Variants in OXR1 observed in about 807,000 individuals in gnomAD.
The protein encoded by OXR1 is oxidation resistance 1.
A neutral mutation model predicts 104.6 loss-of-function variants in OXR1; 41 were observed. That is an observed-to-expected ratio of 0.39 (90% confidence interval 0.31 to 0.51). The LOEUF (loss-of-function observed/expected upper bound fraction) is 0.51. OXR1 is among the 20% of genes least tolerant of loss of function. The pLI is 0.77. For synonymous variants in OXR1, 348 were observed against 348.4 expected, an observed-to-expected ratio of 1.00 and a Z score of 0.01; for missense variants, 955 against 1,031.9, an observed-to-expected ratio of 0.93 and a Z score of 1.02.
chr8:106,278,110 G>A (rs1290255350), intron 1 of OXR1, among the ~76,000 whole-genome samples: 1 of 152,194 alleles, frequency 6.6e-6, no homozygotes, highest in African/African-American at 2.4e-5. Flanking sequence ...TACTGAATAT[G>A]TGTTTCCAAT....
intron 3 of OXR1, among the ~76,000 whole-genome samples, chr8:106,602,387 G>T (rs1204746281): frequency 6.6e-6 from 1 of 152,188 alleles, no homozygotes. Context: ...GAGTGGCTTG[G>T]AAAGAAGTAG....
intron 12 of OXR1, among the ~76,000 whole-genome samples, chr8:106,737,910 T>G (rs1216753504): frequency 6.6e-6 from 1 of 152,164 alleles, no homozygotes; most frequent in Non-Finnish European, 1.5e-5. Context: ...GTTTTGAGAT[T>G]GAATCTTTTC....
At chr8:106,447,483 G>A (rs1319344106) in intron 2 of OXR1, among the ~76,000 whole-genome samples, 1 of 152,098 alleles carries the variant, frequency 6.6e-6, no homozygotes, top group Non-Finnish European at 1.5e-5. Flanking sequence ...ATTTTCTATT[G>A]TTTATTCTGA....
intron 2 of OXR1, among the ~76,000 whole-genome samples, chr8:106,464,796 C>T (rs1322178989): frequency 2.0e-5 from 3 of 151,994 alleles, no homozygotes; most frequent in African/African-American, 4.8e-5. Context: ...AAGCATATCT[C>T]GGGCTTCATT....
intron 2 of OXR1, among the ~76,000 whole-genome samples, chr8:106,470,577 T>A (rs1325679884): frequency 6.6e-6 from 1 of 151,614 alleles, no homozygotes; most frequent in Non-Finnish European, 1.5e-5. Flanking sequence ...TGCCAATAGG[T>A]TTTTGAGAAT....
At chr8:106,423,468 T>A (rs1177365656) in intron 2 of OXR1, among the ~76,000 whole-genome samples, 2 of 152,192 alleles carry the variant, frequency 1.3e-5, no homozygotes, top group Non-Finnish European at 2.9e-5. Context: ...AGCTAGGTTA[T>A]ACTCTAGAAG....
chr8:106,409,751 A>G (rs2130502813), intron 2 of OXR1, among the ~76,000 whole-genome samples: 1 of 152,284 alleles, frequency 6.6e-6, no homozygotes, highest in East Asian at 1.9e-4. Flanking sequence ...AATGATAGAA[A>G]AAGAATTAGT....
intron 2 of OXR1, among the ~76,000 whole-genome samples, chr8:106,412,851 C>T (rs1455161452): frequency 2.6e-5 from 4 of 152,036 alleles, no homozygotes; most frequent in South Asian, 4.2e-4. Context: ...ATGTATATAT[C>T]ATTACAGGGT....
intron 2 of OXR1, among the ~76,000 whole-genome samples, chr8:106,386,759 G>T (rs553504679): frequency 2.4e-4 from 36 of 152,334 alleles, no homozygotes; most frequent in Non-Finnish European, 3.8e-4. Context: ...GGAAACAGGA[G>T]TCTGCAAGTT....
At chr8:106,453,657 A>G (rs1459234055) in intron 2 of OXR1, among the ~76,000 whole-genome samples, 1 of 152,180 alleles carries the variant, frequency 6.6e-6, no homozygotes, top group Non-Finnish European at 1.5e-5. Flanking sequence ...TTCTGATTGC[A>G]TCACTCCTAT....
chr8:106,543,881 C>A (rs1474030581), intron 3 of OXR1, among the ~76,000 whole-genome samples: 2 of 152,192 alleles, frequency 1.3e-5, no homozygotes, highest in Admixed American at 1.3e-4. Flanking sequence ...AATGACTTCT[C>A]CATATCATCT....
chr8:106,594,690 A>T (rs1819378236), intron 3 of OXR1, among the ~76,000 whole-genome samples: 1 of 152,234 alleles, frequency 6.6e-6, no homozygotes. Context: ...GAGGCATGGA[A>T]TCTGGAGCAC....
chr8:106,734,923 T>C (rs1323642964), intron 11 of OXR1, among the ~76,000 whole-genome samples: 2 of 152,200 alleles, frequency 1.3e-5, no homozygotes, highest in African/African-American at 2.4e-5. Flanking sequence ...AATGCACTTT[T>C]AATTGGAAGG....
intron 1 of OXR1, among the ~76,000 whole-genome samples, chr8:106,283,658 C>T (rs546324642): frequency 6.6e-6 from 1 of 152,262 alleles, no homozygotes; most frequent in South Asian, 2.1e-4. Flanking sequence ...AGAATTGCTT[C>T]CTCATGAGTC....
Position 106,706,814 on chromosome 8 carries a change from A to C in OXR1, c.1293A>C (p.Gln431His), listed in dbSNP as rs377449060. ...IKEDQIADNF[Q>H]GISGPKEDST... ...AAGATCAGATTGCAGATAACTTTCA[A>C]GGAATATCAGGTCCTAAAGAAGACA... The change falls in exon 9 of 17, where the codon CAA becomes CAC. Residue 431 changes from glutamine to histidine, a missense_variant. Gln to His is a conservative substitution (Grantham distance 24, BLOSUM62 0). Transcript: ENST00000517566. 9.4e-5 allele frequency: 152 copies of C among 1,612,328 alleles called. No homozygotes were observed. Among genetic ancestry groups the C allele is most frequent in the Non-Finnish European group, 1.2e-4 (147 of 1,179,522 alleles).
intron 11 of OXR1, among the ~76,000 whole-genome samples, chr8:106,728,839 A>G (rs1324494098): frequency 6.6e-6 from 1 of 152,194 alleles, no homozygotes; most frequent in Non-Finnish European, 1.5e-5. Flanking sequence ...ATTAAATAGC[A>G]TCAGTGTTTC....
intron 11 of OXR1, among the ~76,000 whole-genome samples, chr8:106,736,791 T>G (rs1451456986): frequency 6.6e-6 from 1 of 152,042 alleles, no homozygotes; most frequent in Non-Finnish European, 1.5e-5. Context: ...TGTAGGAAAG[T>G]TGTTAAATTT....
chr8:106,338,928 A>G (rs1371112605), intron 1 of OXR1, among the ~76,000 whole-genome samples: 3 of 152,108 alleles, frequency 2.0e-5, no homozygotes, highest in African/African-American at 4.8e-5. Context: ...TTTGGCAAAT[A>G]GGACTGCGAA....
intron 2 of OXR1, among the ~76,000 whole-genome samples, chr8:106,487,413 A>G (rs1369147160): frequency 2.7e-5 from 4 of 146,666 alleles, no homozygotes; most frequent in African/African-American, 1.0e-4. Flanking sequence ...TTTATGGGAT[A>G]CATGTGATAT....
Sources: allele counts gnomAD v4.1 joint callset (sites outside exome capture counted in the v4.1 genomes callset), GRCh38; gene constraint gnomAD v4.1.1; transcripts MANE v1.5; gene names NCBI Gene and HGNC (gene_info 2026-07-23, HGNC 2026-07-21).